Variants in OCA2 observed in about 807,000 individuals in gnomAD.
OCA2 encodes the protein P protein.
In OCA2, 77 loss-of-function variants were observed where a neutral mutation model predicts 100.2. That is an observed-to-expected ratio of 0.77 (90% CI 0.64 to 0.93). OCA2 has a LOEUF of 0.93. Among genes scored for constraint, OCA2 ranks in the 40% least tolerant of loss-of-function variants. The pLI is 0.00. For synonymous variants in OCA2, 432 were observed against 439.2 expected, an observed-to-expected ratio of 0.98 and a Z score of 0.21; for missense variants, 1,062 against 1,089.1, an observed-to-expected ratio of 0.98 and a Z score of 0.35.
At chr15:27,826,076 A>G (rs898572343) in intron 23 of OCA2, among the ~76,000 whole-genome samples, 38 of 152,188 alleles carry the variant, frequency 2.5e-4, no homozygotes, top group Non-Finnish European at 4.6e-4. Flanking sequence ...ATGAGCCACC[A>G]TTAGGAGCTT....
chr15:27,851,956 C>A (rs2151415890), intron 21 of OCA2, among the ~76,000 whole-genome samples: 1 of 152,288 alleles, frequency 6.6e-6, no homozygotes, highest in Non-Finnish European at 1.5e-5. Flanking sequence ...CACACACAGT[C>A]CCCTGACCCT....
chr15:27,983,357 C>G lies in OCA2; in HGVS notation c.1491G>C (p.Glu497Asp), dbSNP rs141015793. 7 of 1,614,170 alleles carry G rather than the reference C, an allele frequency of 4.3e-6. No homozygotes were observed. The East Asian group carries it at 1.1e-4, about 26-fold the overall frequency. The change falls in exon 14 of 24, where the codon GAG (glutamate) becomes GAC (aspartate). Residue 497 changes from glutamate to aspartate, a missense_variant. Coordinates refer to ENST00000354638, the MANE Select transcript of OCA2 (RefSeq NM_000275.3). ...PPNVIIVSNQ[E>D]LRKMGLDFAG... ...TGCTGGTACGTACCATCTTCCTCAG[C>G]TCTTGGTTGGAAACAATAATGACAT...
chr15:27,816,728 C>A (rs1308248704), intron 23 of OCA2, among the ~76,000 whole-genome samples: 1 of 152,148 alleles, frequency 6.6e-6, no homozygotes, highest in East Asian at 1.9e-4. Flanking sequence ...TTGCCCACAT[C>A]CTTATAAATA....
intron 18 of OCA2, among the ~76,000 whole-genome samples, chr15:27,947,592 C>T (rs1233640623): frequency 2.0e-5 from 3 of 152,216 alleles, no homozygotes; most frequent in Admixed American, 6.5e-5. Flanking sequence ...CTGCCTGGGC[C>T]GCCCTGCGGG....
chr15:27,902,770 A>T (rs1386627721), intron 19 of OCA2, among the ~76,000 whole-genome samples: 1 of 152,172 alleles, frequency 6.6e-6, no homozygotes, highest in Non-Finnish European at 1.5e-5. Flanking sequence ...CCACAGGGAG[A>T]TGCACCATAC....
chr15:27,766,817 A>T (rs563062271), intron 23 of OCA2, among the ~76,000 whole-genome samples: 1 of 152,224 alleles, frequency 6.6e-6, no homozygotes, highest in South Asian at 2.1e-4. Flanking sequence ...CTGGGGATCC[A>T]GGCCCTTGGT....
chr15:27,915,358 A>G (rs2038627112), intron 19 of OCA2, among the ~76,000 whole-genome samples: 1 of 152,208 alleles, frequency 6.6e-6, no homozygotes, highest in African/African-American at 2.4e-5. Context: ...AAGTTGACAA[A>G]TGGGGCCTCA....
At chr15:27,832,588 G>A (rs1000731813) in intron 23 of OCA2, among the ~76,000 whole-genome samples, 37 of 152,246 alleles carry the variant, frequency 2.4e-4, no homozygotes, top group Admixed American at 1.9e-3. Flanking sequence ...CCTCAGTGCC[G>A]TTAGCACAGT....
chr15:27,814,939 GATAGAT>G (rs1555410284), intron 23 of OCA2, among the ~76,000 whole-genome samples: 8,922 of 134,700 alleles, frequency 0.066, 365 homozygotes, highest in South Asian at 0.11. Flanking sequence ...TAGATAGATA[GATAGAT>G]ACAGAGATAT....
chr15:28,063,225 C>T (rs1595896366), intron 2 of OCA2, among the ~76,000 whole-genome samples: 4 of 152,214 alleles, frequency 2.6e-5, no homozygotes, highest in Admixed American at 2.6e-4. Context: ...AGTATAGTCT[C>T]TCTACCTCTC....
intron 9 of OCA2, among the ~76,000 whole-genome samples, chr15:27,994,564 T>C (rs8029026): frequency 0.6 from 91,324 of 151,822 alleles, 31,641 homozygotes; most frequent in Non-Finnish European, 0.79. Flanking sequence ...CACTCCTCTC[T>C]GGTCGAGCCG....
Position 27,784,479 on chromosome 15 carries a change from A to G in OCA2, c.2433-29007T>C, listed in dbSNP as rs766833160. Among the ~76,000 whole-genome samples the G allele has an allele frequency of 3.3e-5, 5 of 152,220 alleles. No individual in the cohort carries two copies. The South Asian group carries it at 1.0e-3, about 31-fold the overall frequency. ...AAATTTTGTGACATATAAATAAGCT[A>G]GGGAAAAAGAACCTCTCAAGAGATA... On this transcript the variant is annotated intron_variant, in intron 23 of 23. Coordinates refer to ENST00000354638, the MANE Select transcript of OCA2 (RefSeq NM_000275.3).
chr15:27,949,603 C>G (rs554986907), intron 18 of OCA2, among the ~76,000 whole-genome samples: 20 of 152,222 alleles, frequency 1.3e-4, no homozygotes, highest in African/African-American at 4.3e-4. Context: ...GCAGAGGCTG[C>G]ACTGAGTTGA....
At chr15:27,735,919 C>T in the OCA2 span, among the ~76,000 whole-genome samples, 7 of 152,058 alleles carry the variant, frequency 4.6e-5, no homozygotes, top group East Asian at 1.9e-4. Flanking sequence ...GAAAAGGATG[C>T]TAATGAGTAA....
At chr15:27,774,377 T>G (rs889396238) in intron 23 of OCA2, among the ~76,000 whole-genome samples, 2 of 152,228 alleles carry the variant, frequency 1.3e-5, no homozygotes, top group African/African-American at 4.8e-5. Flanking sequence ...ACTGAGAGCC[T>G]CCTGCTGTGC....
chr15:27,877,828 G>C (rs1217342487), intron 19 of OCA2, among the ~76,000 whole-genome samples: 1 of 151,910 alleles, frequency 6.6e-6, no homozygotes, highest in African/African-American at 2.4e-5. Context: ...GGGAATGTTT[G>C]CAGTTAACAC....
At chr15:27,754,286 C>T (rs987489478), downstream of OCA2, among the ~76,000 whole-genome samples, 8 of 152,156 alleles carry the variant, frequency 5.3e-5, no homozygotes, top group African/African-American at 1.9e-4. Context: ...ACAGGGACAC[C>T]CATCCTGAGG....
intron 6 of OCA2, among the ~76,000 whole-genome samples, chr15:28,020,507 G>A (rs576790835): frequency 3.3e-5 from 5 of 152,198 alleles, no homozygotes; most frequent in Admixed American, 6.5e-5. Context: ...TTCCCCCTGC[G>A]GGAAAGTCCT....
At position 28,080,583 on chromosome 15, in the gene OCA2, A is replaced by C. The variant is rs182362946; in HGVS notation, c.227+1065T>G. Among the ~76,000 whole-genome samples, 62 of 152,378 alleles carry C rather than the reference A, an allele frequency of 4.1e-4. No homozygotes were observed. In the East Asian group the frequency reaches 7.3e-3, roughly 18 times the overall value. ...CATTCAGTGAAAGCATGAGCACGCAAGCTGGGGAGCTCCCCCTGGAGCGGG... is the reference window on the plus strand; with the variant it reads ...CATTCAGTGAAAGCATGAGCACGCACGCTGGGGAGCTCCCCCTGGAGCGGG... On this transcript the variant is annotated intron_variant, in intron 2 of 23. Transcript: ENST00000354638.
Sources: allele counts gnomAD v4.1 joint callset (sites outside exome capture counted in the v4.1 genomes callset), GRCh38; gene constraint gnomAD v4.1.1; transcripts MANE v1.5; gene names NCBI Gene and HGNC (gene_info 2026-07-23, HGNC 2026-07-21).